ADD3: variants seen among roughly 807,000 people sequenced by gnomAD.
ADD3 encodes gamma-adducin.
A neutral mutation model predicts 80.2 loss-of-function variants in ADD3; 25 were observed. The observed-to-expected ratio is 0.31, with a 90% confidence interval of 0.23 to 0.44. The LOEUF (loss-of-function observed/expected upper bound fraction) is 0.44, where lower values mean the gene tolerates loss of function less well. Ranked by LOEUF, ADD3 falls within the 20% of genes least tolerant of loss-of-function variation. The pLI is 1.00. For missense variants in ADD3, 829 were observed against 847.5 expected (o/e 0.98, Z 0.27); for synonymous variants, 284 against 289.6 (o/e 0.98, Z 0.20).
At chr10:110,068,234 C>T (rs182020768) in intron 1 of ADD3, among the ~76,000 whole-genome samples, 50 of 152,218 alleles carry the variant, frequency 3.3e-4, no homozygotes, top group African/African-American at 1.2e-3. Context: ...TTGTACTGCT[C>T]CTGTCACTTT....
intron 1 of ADD3, among the ~76,000 whole-genome samples, chr10:110,091,420 G>A (rs1251275210): frequency 2.0e-5 from 3 of 152,126 alleles, no homozygotes; most frequent in Non-Finnish European, 4.4e-5. Context: ...GCCTGGTACT[G>A]GTTCAAAAAC....
At chr10:110,014,809 G>A (rs1852749444) in intron 1 of ADD3, among the ~76,000 whole-genome samples, 1 of 152,072 alleles carries the variant, frequency 6.6e-6, no homozygotes, top group South Asian at 2.1e-4. Flanking sequence ...TTACAGGTGT[G>A]AGCCACCGCG....
At chr10:110,031,433 T>C (rs964836171) in intron 1 of ADD3, among the ~76,000 whole-genome samples, 1 of 152,188 alleles carries the variant, frequency 6.6e-6, no homozygotes, top group Non-Finnish European at 1.5e-5. Flanking sequence ...TCAGATACAT[T>C]GTGACTTTGC....
At chr10:110,073,251 T>G (rs1406240653) in intron 1 of ADD3, among the ~76,000 whole-genome samples, 1 of 147,518 alleles carries the variant, frequency 6.8e-6, no homozygotes, top group Non-Finnish European at 1.5e-5. Flanking sequence ...CATGCCATTC[T>G]CCTGCCTCAG....
At chr10:110,068,678 CA>C (rs1844287610) in intron 1 of ADD3, among the ~76,000 whole-genome samples, 1 of 152,152 alleles carries the variant, frequency 6.6e-6, no homozygotes, top group African/African-American at 2.4e-5. Context: ...TTTTGAAAGG[CA>C]AAAGGATTTT....
At chr10:110,116,502 A>T in intron 4 of ADD3, 92 bp downstream of exon 4, 1 of 1,323,504 alleles carries the variant, frequency 7.6e-7, no homozygotes, top group South Asian at 1.4e-5. Context: ...TCCAGTTTTC[A>T]GACTTATTCT....
Position 110,132,286 on chromosome 10 carries a change from C to T in ADD3, c.1733-19C>T, listed in dbSNP as rs773872576. 1 of 1,591,050 alleles carries T rather than the reference C, an allele frequency of 6.3e-7. No homozygotes were observed. Among genetic ancestry groups the T allele is most frequent in the East Asian group, 2.2e-5 (1 of 44,720 alleles). On this transcript the variant is annotated intron_variant, in intron 13 of 14. Transcript: ENST00000356080. ...TTGTTTTGTTTTGCATGGCTTTTAA[C>T]TAAACTCTTATCCAACAGATGCTGA... is the stretch of plus-strand genomic sequence containing the variant.
chr10:110,100,998 A>T (rs967641759), intron 2 of ADD3, 150 bp downstream of exon 2: 33 of 638,976 alleles, frequency 5.2e-5, no homozygotes, highest in Non-Finnish European at 6.6e-5. Context: ...GGAGAAATGG[A>T]CATCTAATTT....
At chr10:110,047,493 C>T (rs1857028197) in intron 1 of ADD3, among the ~76,000 whole-genome samples, 1 of 152,098 alleles carries the variant, frequency 6.6e-6, no homozygotes, top group Non-Finnish European at 1.5e-5. Context: ...GGTCCCATTC[C>T]ACGTCTTCTA....
chr10:110,127,336 C>T (rs1003569342), intron 12 of ADD3, among the ~76,000 whole-genome samples: 5 of 151,984 alleles, frequency 3.3e-5, no homozygotes, highest in Middle Eastern at 3.2e-3. Flanking sequence ...TATAAAGTCC[C>T]GGCTGGGTGC....
intron 1 of ADD3, among the ~76,000 whole-genome samples, chr10:110,092,155 G>A (rs997848509): frequency 1.6e-4 from 25 of 152,168 alleles, no homozygotes; most frequent in African/African-American, 5.5e-4. Context: ...GTGGAAAGCA[G>A]GAGGTTTCTC....
At chr10:110,089,231 G>A (rs778986593) in intron 1 of ADD3, among the ~76,000 whole-genome samples, 30 of 151,818 alleles carry the variant, frequency 2.0e-4, no homozygotes, top group Admixed American at 6.6e-4. Flanking sequence ...AAAGACTTAC[G>A]GTATCTCCTG....
chr10:110,001,868 T>C (rs1037662256), upstream of ADD3, among the ~76,000 whole-genome samples: 29 of 152,226 alleles, frequency 1.9e-4, no homozygotes, highest in African/African-American at 6.5e-4. Flanking sequence ...TGTAACATAC[T>C]AGAGATTCGT....
At chr10:110,059,027 A>G (rs565573109) in intron 1 of ADD3, among the ~76,000 whole-genome samples, 28 of 152,358 alleles carry the variant, frequency 1.8e-4, no homozygotes, top group African/African-American at 6.7e-4. Flanking sequence ...TCCATTGTGA[A>G]GTGCTCTCTT....
intron 1 of ADD3, among the ~76,000 whole-genome samples, chr10:110,039,775 AG>A (rs1242366722): frequency 6.6e-6 from 1 of 152,214 alleles, no homozygotes; most frequent in Non-Finnish European, 1.5e-5. Flanking sequence ...AGTCATTTCA[AG>A]GCTTGACTGA....
chr10:110,030,685 T>G (rs1302586714), intron 1 of ADD3, among the ~76,000 whole-genome samples: 1 of 151,562 alleles, frequency 6.6e-6, no homozygotes. Flanking sequence ...TAGTCCTAAT[T>G]GAGATGTGCT....
rs150398245 is a variant in ADD3 at position 110,109,558 on chromosome 10, T to C, written c.196-3219T>C. Among the ~76,000 whole-genome samples the C allele has an allele frequency of 6.6e-5, 10 of 152,338 alleles. No individual in the cohort carries two copies. In the East Asian group the frequency reaches 1.9e-3, roughly 29 times the overall value. ...CTCCAAGTTATTGTAATATATGTAA[T>C]GAGTGATACACATAGTAGGTATCAT... On this transcript the variant is annotated intron_variant, in intron 2 of 14. Transcript: ENST00000356080.
chr10:110,019,350 CT>C (rs1268058151), intron 1 of ADD3, among the ~76,000 whole-genome samples: 2 of 146,996 alleles, frequency 1.4e-5, no homozygotes, highest in African/African-American at 2.6e-5. Flanking sequence ...AAGTAACTTT[CT>C]GTTTGCTTTT....
In ADD3 at chr10:110,010,510, A is replaced by G. The variant is rs999165891; in HGVS notation, c.-30+2211A>G. ...GTAAAGTGCTTAGAATGGGGTTTGT[A>G]TTCAGTGCTTTTTGTGTTTATCATT... On this transcript the variant is annotated intron_variant, in intron 1 of 14. Coordinates refer to ENST00000356080, the MANE Select transcript of ADD3 (RefSeq NM_016824.5). Among the ~76,000 whole-genome samples, 5 of 152,334 alleles carry G rather than the reference A, an allele frequency of 3.3e-5. No individual in the cohort carries two copies. In the South Asian group the frequency reaches 1.0e-3, roughly 32 times the overall value.
Sources: gnomAD v4.1 joint callset for allele counts (sites outside exome capture counted in the v4.1 genomes callset) on GRCh38, gnomAD v4.1.1 for gene constraint, MANE v1.5 for transcripts, NCBI Gene and HGNC (gene_info 2026-07-23, HGNC 2026-07-21) for gene names.